NTM: variants seen among roughly 807,000 people sequenced by gnomAD.
NTM encodes neurotrimin.
NTM carries 13 observed loss-of-function variants against 42.1 expected under a neutral mutation model. The observed-to-expected ratio is 0.31, with a 90% confidence interval of 0.20 to 0.49. The LOEUF (loss-of-function observed/expected upper bound fraction) is 0.49, where lower values mean the gene tolerates loss of function less well. Among genes scored for constraint, NTM ranks in the 20% least tolerant of loss-of-function variants. The pLI, the probability that NTM is intolerant of heterozygous loss-of-function variation, is 0.99. For missense variants in NTM, 373 were observed against 452.8 expected (o/e 0.82, Z 1.60); for synonymous variants, 187 against 179.2 (o/e 1.04, Z -0.35).
intron 2 of NTM, among the ~76,000 whole-genome samples, chr11:131,946,025 C>T (rs903727739): frequency 6.6e-6 from 1 of 152,088 alleles, no homozygotes; most frequent in Non-Finnish European, 1.5e-5. Context: ...GGGTTAGTTA[C>T]ATAAGAGGAA....
At chr11:131,701,985 A>G (rs1347326094) in intron 1 of NTM, among the ~76,000 whole-genome samples, 3 of 152,232 alleles carry the variant, frequency 2.0e-5, no homozygotes, top group Non-Finnish European at 2.9e-5. Context: ...TGTGTGTGTC[A>G]CACAACCATG....
chr11:131,596,458 G>A (rs1193613165), intron 1 of NTM, among the ~76,000 whole-genome samples: 2 of 152,202 alleles, frequency 1.3e-5, no homozygotes, highest in African/African-American at 4.8e-5. Context: ...AAAGCAGGTG[G>A]CCGGCGGAAT....
intron 3 of NTM, chr11:132,211,767 A>C (rs1486128384): frequency 6.2e-6 from 2 of 322,210 alleles, no homozygotes; most frequent in East Asian, 1.7e-4. Context: ...GGAGGCTAGG[A>C]GAACAGCTAT....
intron 3 of NTM, among the ~76,000 whole-genome samples, chr11:132,202,164 T>C (rs1285521162): frequency 6.6e-6 from 1 of 152,186 alleles, no homozygotes. Context: ...TTAGAGAATC[T>C]GCAGTGTGTC....
intron 1 of NTM, among the ~76,000 whole-genome samples, chr11:131,763,504 A>G (rs772426158): frequency 6.6e-6 from 1 of 152,164 alleles, no homozygotes; most frequent in South Asian, 2.1e-4. Flanking sequence ...GCCACACATG[A>G]TAAGCTGTTC....
chr11:132,232,247 C>T (rs2087747975), intron 4 of NTM, among the ~76,000 whole-genome samples: 1 of 152,070 alleles, frequency 6.6e-6, no homozygotes. Context: ...CTCAGAGGGG[C>T]GAGTGTAAAT....
At chr11:132,056,366 A>G (rs1033576745) in intron 2 of NTM, among the ~76,000 whole-genome samples, 1 of 152,204 alleles carries the variant, frequency 6.6e-6, no homozygotes, top group Non-Finnish European at 1.5e-5. Context: ...TACATTGATA[A>G]ATTTTCAATG....
intron 1 of NTM, among the ~76,000 whole-genome samples, chr11:131,493,087 G>A (rs543473232): frequency 6.6e-6 from 1 of 152,122 alleles, no homozygotes; most frequent in East Asian, 1.9e-4. Context: ...AATTAGCTGG[G>A]CTTGGTGGCA....
intron 2 of NTM, among the ~76,000 whole-genome samples, chr11:132,031,739 G>T (rs1204277430): frequency 6.6e-6 from 1 of 152,170 alleles, no homozygotes; most frequent in Non-Finnish European, 1.5e-5. Flanking sequence ...GGACAGAGGT[G>T]CAGGCTGGAG....
intron 2 of NTM, among the ~76,000 whole-genome samples, chr11:132,070,907 G>A (rs371823552): frequency 3.9e-4 from 42 of 107,204 alleles, no homozygotes; most frequent in Admixed American, 7.9e-4. Context: ...CACACTGACC[G>A]TCACAGGTTA....
chr11:131,990,690 TC>T (rs2066861333), intron 2 of NTM, among the ~76,000 whole-genome samples: 1 of 152,172 alleles, frequency 6.6e-6, no homozygotes, highest in Admixed American at 6.5e-5. Flanking sequence ...TAATTCACCT[TC>T]CTGCATTATT....
intron 1 of NTM, among the ~76,000 whole-genome samples, chr11:131,374,641 G>T (rs1370691781): frequency 6.6e-6 from 1 of 152,174 alleles, no homozygotes; most frequent in Non-Finnish European, 1.5e-5. Context: ...CCTCCTGGCA[G>T]TTCCCTGGGT....
At chr11:131,549,668 T>C (rs1443576769) in intron 1 of NTM, among the ~76,000 whole-genome samples, 1 of 152,190 alleles carries the variant, frequency 6.6e-6, no homozygotes, top group Non-Finnish European at 1.5e-5. Context: ...CTTTGCCCCA[T>C]GTGTTCAGGT....
At chr11:132,078,638 C>A (rs2058659758) in intron 2 of NTM, among the ~76,000 whole-genome samples, 1 of 152,184 alleles carries the variant, frequency 6.6e-6, no homozygotes, top group Admixed American at 6.5e-5. Context: ...GGCAAGATGT[C>A]TCTAGACATT....
At chr11:131,497,806 G>T (rs148797725) in intron 1 of NTM, among the ~76,000 whole-genome samples, 2,070 of 152,144 alleles carry the variant, frequency 0.014, 29 homozygotes, top group South Asian at 0.064. Flanking sequence ...CCTAGTTTCA[G>T]TAAACAACCC....
intron 3 of NTM, among the ~76,000 whole-genome samples, chr11:132,193,628 C>A (rs577581980): frequency 1.3e-5 from 2 of 151,714 alleles, no homozygotes; most frequent in African/African-American, 4.8e-5. Flanking sequence ...GCAAACCAAA[C>A]GCCAAAGATA....
At chr11:132,269,904 G>T (rs1378614280) in intron 4 of NTM, among the ~76,000 whole-genome samples, 1 of 152,186 alleles carries the variant, frequency 6.6e-6, no homozygotes, top group Non-Finnish European at 1.5e-5. Flanking sequence ...TACATACAAA[G>T]ACTTTCAAAC....
At chr11:132,278,988 C>T (rs1168449500) in intron 4 of NTM, among the ~76,000 whole-genome samples, 2 of 152,102 alleles carry the variant, frequency 1.3e-5, no homozygotes, top group African/African-American at 4.8e-5. Context: ...ACAAGACGTC[C>T]CCTTTTGAAT....
chr11:132,177,562 T>C (rs772277051), intron 3 of NTM, among the ~76,000 whole-genome samples: 2 of 152,232 alleles, frequency 1.3e-5, no homozygotes, highest in Non-Finnish European at 2.9e-5. Flanking sequence ...ACAAATCAGA[T>C]GAAATACATA....
Sources: allele counts gnomAD v4.1 joint callset (sites outside exome capture counted in the v4.1 genomes callset), GRCh38; gene constraint gnomAD v4.1.1; transcripts MANE v1.5; gene names NCBI Gene and HGNC (gene_info 2026-07-23, HGNC 2026-07-21).